The following ELK3 variants were observed in gnomAD, a reference collection of about 807,000 sequenced individuals.
ELK3 encodes the protein ETS domain-containing protein Elk-3.
Under a neutral mutation model 28.9 loss-of-function variants are expected in ELK3, and 10 were observed. That is an observed-to-expected ratio of 0.35 (90% CI 0.21 to 0.59). The LOEUF is 0.59. ELK3 is among the 20% of genes least tolerant of loss of function. The pLI, the probability that ELK3 is intolerant of heterozygous loss-of-function variation, is 0.82. For synonymous variants in ELK3, 272 were observed against 243.5 expected (o/e 1.12, Z -1.09); for missense variants, 463 against 517.3 (o/e 0.90, Z 1.02).
intron 1 of ELK3, among the ~76,000 whole-genome samples, chr12:96,223,239 G>A (rs1359028874): frequency 1.3e-5 from 2 of 152,194 alleles, no homozygotes; most frequent in Non-Finnish European, 2.9e-5. Flanking sequence ...GGTTTGAATG[G>A]GGACTCATTC....
At chr12:96,221,991 C>G (rs544024244) in intron 1 of ELK3, among the ~76,000 whole-genome samples, 1 of 152,088 alleles carries the variant, frequency 6.6e-6, no homozygotes, top group Non-Finnish European at 1.5e-5. Flanking sequence ...TGCGGTCACT[C>G]CAGGTTCAGT....
At chr12:96,204,188 T>C (rs1361750579) in intron 1 of ELK3, among the ~76,000 whole-genome samples, 1 of 152,158 alleles carries the variant, frequency 6.6e-6, no homozygotes, top group Non-Finnish European at 1.5e-5. Flanking sequence ...TTTATAGAAT[T>C]AATCATTGTA....
intron 1 of ELK3, among the ~76,000 whole-genome samples, chr12:96,197,517 T>C (rs1466171572): frequency 6.6e-6 from 1 of 152,220 alleles, no homozygotes; most frequent in Non-Finnish European, 1.5e-5. Flanking sequence ...ATACGTAACA[T>C]AGCATTCATG....
Position 96,213,323 on chromosome 12 carries a change from C to T in ELK3, c.-2-10242C>T, listed in dbSNP as rs576836698. ...CTTCTCTAAGCCCAGAAAGAACAAA[C>T]TCTATCCCAGGAATCTTAAAAAGTT... is the stretch of plus-strand genomic sequence containing the variant. On this transcript the variant is annotated intron_variant, in intron 1 of 4. Coordinates refer to ENST00000228741, the MANE Select transcript of ELK3 (RefSeq NM_005230.4). Among the ~76,000 whole-genome samples the T allele has an allele frequency of 4.6e-5, 7 of 152,278 alleles. No homozygotes were observed. In the South Asian group the frequency reaches 1.5e-3, roughly 32 times the overall value.
intron 2 of ELK3, among the ~76,000 whole-genome samples, chr12:96,234,654 A>C (rs1951767962): frequency 6.6e-6 from 1 of 152,220 alleles, no homozygotes; most frequent in Admixed American, 6.5e-5. Flanking sequence ...GCACTGTGCT[A>C]GGTATTTTTA....
intron 2 of ELK3, among the ~76,000 whole-genome samples, chr12:96,244,390 G>A (rs1347697206): frequency 6.7e-6 from 1 of 150,140 alleles, no homozygotes; most frequent in Non-Finnish European, 1.5e-5. Flanking sequence ...TTCTTGATGT[G>A]TTCATGAATG....
chr12:96,199,518 T>C (rs992585915), intron 1 of ELK3, among the ~76,000 whole-genome samples: 4 of 134,744 alleles, frequency 3.0e-5, no homozygotes, highest in African/African-American at 5.5e-5. Context: ...GTGTGTGACC[T>C]TCTGTGAAAT....
chr12:96,204,112 C>A (rs1263905982), intron 1 of ELK3, among the ~76,000 whole-genome samples: 2 of 151,798 alleles, frequency 1.3e-5, no homozygotes, highest in Non-Finnish European at 2.9e-5. Flanking sequence ...TGAGAGTGGT[C>A]GGTTAACAGT....
chr12:96,203,796 C>T (rs1405369411), intron 1 of ELK3, among the ~76,000 whole-genome samples: 1 of 152,156 alleles, frequency 6.6e-6, no homozygotes, highest in Non-Finnish European at 1.5e-5. Flanking sequence ...CAAAAATTAG[C>T]CGAGTGTGGT....
intron 2 of ELK3, among the ~76,000 whole-genome samples, chr12:96,244,343 G>A (rs1478688963): frequency 6.6e-6 from 1 of 152,028 alleles, no homozygotes; most frequent in African/African-American, 2.4e-5. Flanking sequence ...GAGCAGGAGA[G>A]ACATTTTCTG....
At chr12:96,206,036 A>C (rs1017057697) in intron 1 of ELK3, among the ~76,000 whole-genome samples, 6 of 152,204 alleles carry the variant, frequency 3.9e-5, no homozygotes, top group Non-Finnish European at 8.8e-5. Flanking sequence ...TGTACTGTGA[A>C]TTCTCAAAGG....
chr12:96,268,425 G>A lies in ELK3; in HGVS notation c.*1245G>A, dbSNP rs796592738. 2.6e-5 allele frequency: 4 copies of A among 152,284 alleles called. No homozygotes were observed. Among genetic ancestry groups the A allele is most frequent in the African/African-American group, 9.6e-5 (4 of 41,572 alleles). 9.4% of individuals were successfully genotyped at this position (152,284 alleles called of 1,614,324 possible). A position where few individuals can be genotyped will look rare whatever the true frequency, so the allele number is the denominator to read the frequency against. ...CGTGGAACTGAACTGATGATAACTT[G>A]GAACACTCCAGTAAATTCTGTTGTG... On this transcript the variant is annotated 3_prime_UTR_variant, in exon 5 of 5. Transcript: ENST00000228741.
chr12:96,252,849 A>C (rs1951918654), intron 3 of ELK3, among the ~76,000 whole-genome samples: 1 of 152,252 alleles, frequency 6.6e-6, no homozygotes, highest in African/African-American at 2.4e-5. Context: ...TACATTACTT[A>C]GTTGATAAAG....
intron 2 of ELK3, among the ~76,000 whole-genome samples, chr12:96,239,284 A>G (rs538820557): frequency 6.6e-6 from 1 of 152,338 alleles, no homozygotes; most frequent in East Asian, 1.9e-4. Flanking sequence ...GCAATAGAAC[A>G]TTTTTAAAAT....
chr12:96,254,886 G>T (rs969641882), intron 3 of ELK3, among the ~76,000 whole-genome samples: 2 of 151,912 alleles, frequency 1.3e-5, no homozygotes, highest in Non-Finnish European at 2.9e-5. Context: ...GGAAGGCATC[G>T]TCGGCAGAGG....
chr12:96,216,065 G>A (rs1173851103), intron 1 of ELK3, among the ~76,000 whole-genome samples: 1 of 152,268 alleles, frequency 6.6e-6, no homozygotes, highest in African/African-American at 2.4e-5. Flanking sequence ...TTTACTCTCG[G>A]CCTCTCTACT....
intron 1 of ELK3, among the ~76,000 whole-genome samples, chr12:96,207,583 A>T (rs189364379): frequency 5.4e-4 from 82 of 152,370 alleles, no homozygotes; most frequent in African/African-American, 1.9e-3. Flanking sequence ...CGAAGGAAAA[A>T]CAGTGAAACT....
At position 96,247,342 on chromosome 12, in the gene ELK3, A is replaced by G; in HGVS notation, c.610A>G (p.Thr204Ala). 1 of 1,614,152 alleles carries G rather than the reference A, an allele frequency of 6.2e-7. No homozygotes were observed. The highest frequency in any genetic ancestry group is 8.5e-7 in the Non-Finnish European group (1 of 1,180,034). ...VTRPVVSLPS[T>A]SEAAAASAFL... ...CAGGCCGGTGGTGTCCCTGCCTTCC[A>G]CGTCAGAGGCTGCGGCGGCGTCCGC... Residue 204 changes from threonine to alanine, a missense_variant, in exon 3 of 5, where the codon ACG becomes GCG. Around this residue, in one of 2 missense-constraint regions of ELK3, gnomAD observed 408 missense variants for 414.8 expected, o/e 0.98. Coordinates refer to ENST00000228741, the MANE Select transcript of ELK3 (RefSeq NM_005230.4). This position sits in a 1 kb window ranked among gnomAD's most constrained non-coding sequence, Gnocchi z 5.5.
intron 1 of ELK3, among the ~76,000 whole-genome samples, chr12:96,203,171 A>G (rs973927820): frequency 5.9e-5 from 9 of 152,158 alleles, no homozygotes; most frequent in Non-Finnish European, 1.0e-4. Context: ...ATGAGCCACC[A>G]TACCTGGCCA....
Sources: allele counts gnomAD v4.1 joint callset (sites outside exome capture counted in the v4.1 genomes callset), GRCh38; gene constraint gnomAD v4.1.1; regional missense constraint gnomAD v4.1.1; non-coding constraint Gnocchi (gnomAD v3.1); transcripts MANE v1.5; gene names NCBI Gene and HGNC (gene_info 2026-07-23, HGNC 2026-07-21).